The following ACBD6 variants were observed in gnomAD, a reference collection of about 807,000 sequenced individuals.
ACBD6 encodes the protein acyl-CoA-binding domain-containing protein 6.
ACBD6 carries 28 observed loss-of-function variants against 37.2 expected under a neutral mutation model. The observed-to-expected ratio is 0.75, with a 90% confidence interval of 0.56 to 1.03. The LOEUF (loss-of-function observed/expected upper bound fraction) is 1.03. Ranked by LOEUF, ACBD6 falls within the 50% of genes least tolerant of loss-of-function variation. The pLI is 0.00. For synonymous variants in ACBD6, 113 were observed against 126.8 expected (o/e 0.89, Z 0.73); for missense variants, 340 against 337.4 (o/e 1.01, Z -0.06).
At chr1:180,338,929 G>T (rs1192195257) in intron 6 of ACBD6, among the ~76,000 whole-genome samples, 1 of 152,134 alleles carries the variant, frequency 6.6e-6, no homozygotes, top group Non-Finnish European at 1.5e-5. Flanking sequence ...CACATGAAAA[G>T]ATGCTTATCA....
At chr1:180,349,904 A>AT (rs963114617) in intron 6 of ACBD6, among the ~76,000 whole-genome samples, 65 of 150,124 alleles carry the variant, frequency 4.3e-4, no homozygotes, top group African/African-American at 1.5e-3. Flanking sequence ...TCACGTAAAT[A>AT]TTTTTTTTTC....
At chr1:180,352,724 G>A (rs1027242370) in intron 6 of ACBD6, among the ~76,000 whole-genome samples, 2 of 152,160 alleles carry the variant, frequency 1.3e-5, no homozygotes, top group African/African-American at 4.8e-5. Flanking sequence ...ATTAACTAGA[G>A]ATAAGACTTT....
chr1:180,445,751 C>A (rs746565778), intron 3 of ACBD6, among the ~76,000 whole-genome samples: 2 of 151,540 alleles, frequency 1.3e-5, no homozygotes, highest in Non-Finnish European at 2.9e-5. Context: ...ATGGTGAGAC[C>A]CTGTCTCTAC....
At chr1:180,301,465 G>GATAAA (rs1650126785) in intron 7 of ACBD6, among the ~76,000 whole-genome samples, 1 of 152,102 alleles carries the variant, frequency 6.6e-6, no homozygotes. Flanking sequence ...AAAATCATAA[G>GATAAA]ATAAAATACA....
intron 3 of ACBD6, among the ~76,000 whole-genome samples, chr1:180,469,071 AATAATATATAGTCCTTTTCC>A (rs1243569132): frequency 1.3e-5 from 2 of 152,198 alleles, no homozygotes; most frequent in Non-Finnish European, 2.9e-5. Context: ...AACCATGTTT[AATAATATATAGTCCTTTTCC>A]ATAAACAGAT....
chr1:180,282,890 G>A (rs1162603883), intron 8 of ACBD6, among the ~76,000 whole-genome samples: 1 of 151,782 alleles, frequency 6.6e-6, no homozygotes, highest in African/African-American at 2.4e-5. Context: ...GGCACTGAGG[G>A]ATTTAAACAG....
rs776355636 is a variant in ACBD6 at position 180,495,487 on chromosome 1, G to A, written c.261C>T (p.Phe87=). The A allele has an allele frequency of 1.2e-5, 19 of 1,605,766 alleles. No individual in the cohort carries two copies. Among genetic ancestry groups the A allele is most frequent in the Non-Finnish European group, 1.4e-5 (17 of 1,177,140 alleles). ...ATTTTTGCTTTCCTTCAAAATCAAA[G>A]AAGCTTGGTTTAGGAGTATTACAAT... The part of the protein sequence containing the change: ...VGNCNTPKPS[F]FDFEGKQKWE... Residue 87 remains phenylalanine, a synonymous_variant, in exon 2 of 8, where the codon TTC becomes TTT. Coordinates refer to ENST00000367595, the MANE Select transcript of ACBD6 (RefSeq NM_032360.4).
At chr1:180,277,421 A>G (rs1244174034) in intron 9 of ACBD6, 1 of 152,226 alleles carries the variant, frequency 6.6e-6, no homozygotes, top group Non-Finnish European at 1.5e-5. Flanking sequence ...GACCTTCTAG[A>G]GGCAACCATT....
intron 6 of ACBD6, among the ~76,000 whole-genome samples, chr1:180,338,489 A>G (rs1651837187): frequency 6.6e-6 from 1 of 152,226 alleles, no homozygotes; most frequent in Non-Finnish European, 1.5e-5. Context: ...AGAAAGCTGA[A>G]ACTGGATCCC....
At chr1:180,368,992 T>C (rs1653154362) in intron 6 of ACBD6, among the ~76,000 whole-genome samples, 1 of 152,166 alleles carries the variant, frequency 6.6e-6, no homozygotes, top group African/African-American at 2.4e-5. Context: ...GAGTTTATAA[T>C]CCTTTATAGG....
intron 6 of ACBD6, among the ~76,000 whole-genome samples, chr1:180,344,223 A>G (rs541996199): frequency 1.2e-4 from 18 of 152,350 alleles, no homozygotes; most frequent in African/African-American, 4.3e-4. Flanking sequence ...GGAATGGGGT[A>G]GCAACAGTAG....
rs1188534526 is a variant in ACBD6 at position 180,274,324 on chromosome 1, C to A, written c.*937-212G>T. ...CCTATCAGGACTTGAGGGATGGGAG[C>A]CCCTATGGAATCCCCCAGTCTCCAT... On this transcript the variant is annotated intron_variant, in intron 10 of 13. Transcript: ENST00000642319. 3.7e-6 allele frequency: 6 copies of A among 1,614,182 alleles called. No individual in the cohort carries two copies. The highest frequency in any genetic ancestry group is 5.1e-6 in the Non-Finnish European group (6 of 1,180,028).
chr1:180,450,203 G>T (rs977497331), intron 3 of ACBD6, among the ~76,000 whole-genome samples: 2 of 152,130 alleles, frequency 1.3e-5, no homozygotes, highest in African/African-American at 2.4e-5. Flanking sequence ...GAAGTGTTAA[G>T]GTAATTTTAA....
intron 6 of ACBD6, among the ~76,000 whole-genome samples, chr1:180,396,695 C>T (rs1654273845): frequency 6.6e-6 from 1 of 152,122 alleles, no homozygotes; most frequent in Non-Finnish European, 1.5e-5. Flanking sequence ...AAAGGTACTC[C>T]ATATCATTAG....
intron 3 of ACBD6, among the ~76,000 whole-genome samples, chr1:180,437,902 C>T (rs1008779271): frequency 3.9e-5 from 6 of 152,098 alleles, no homozygotes; most frequent in African/African-American, 1.4e-4. Context: ...TAGGAAAAAG[C>T]CAGTGCAAAG....
At chr1:180,309,133 C>T (rs1215948019) in intron 7 of ACBD6, among the ~76,000 whole-genome samples, 2 of 152,088 alleles carry the variant, frequency 1.3e-5, no homozygotes, top group Non-Finnish European at 2.9e-5. Flanking sequence ...TGTATCCTCC[C>T]AGAGATATAT....
intron 6 of ACBD6, 141 bp from the exon 7 acceptor site, chr1:180,314,863 C>G (rs1023766696): frequency 5.4e-5 from 35 of 646,068 alleles, no homozygotes; most frequent in Non-Finnish European, 9.3e-5. Flanking sequence ...GTTAACTGAG[C>G]TTCACCGTAA....
At chr1:180,322,311 C>T (rs762525458) in intron 6 of ACBD6, among the ~76,000 whole-genome samples, 2 of 151,894 alleles carry the variant, frequency 1.3e-5, no homozygotes, top group African/African-American at 2.4e-5. Flanking sequence ...GAGATACTGG[C>T]CTGTAGTTTT....
intron 4 of ACBD6, among the ~76,000 whole-genome samples, chr1:180,424,379 A>G (rs6425635): frequency 0.11 from 16,341 of 152,198 alleles, 1,288 homozygotes; most frequent in African/African-American, 0.21. Context: ...TTCAGCATAT[A>G]TTGTAAGCTG....
Sources: gnomAD v4.1 joint callset for allele counts (sites outside exome capture counted in the v4.1 genomes callset) on GRCh38, gnomAD v4.1.1 for gene constraint, MANE v1.5 for transcripts, NCBI Gene and HGNC (gene_info 2026-07-23, HGNC 2026-07-21) for gene names.